GRAMD2B: variants seen among roughly 807,000 people sequenced by gnomAD.
GRAMD2B encodes GRAM domain containing 2B.
In GRAMD2B, 41 loss-of-function variants were observed where a neutral mutation model predicts 59.2. That is an observed-to-expected ratio of 0.69 (90% CI 0.54 to 0.90). The LOEUF is 0.90. Ranked by LOEUF, GRAMD2B falls within the 40% of genes least tolerant of loss-of-function variation. The pLI, the probability that GRAMD2B is intolerant of heterozygous loss-of-function variation, is 0.00. For synonymous variants in GRAMD2B, 161 were observed against 182.7 expected, an observed-to-expected ratio of 0.88 and a Z score of 0.96; for missense variants, 424 against 500.5, an observed-to-expected ratio of 0.85 and a Z score of 1.46.
intron 10 of GRAMD2B, among the ~76,000 whole-genome samples, chr5:126,485,159 G>A (rs1014037853): frequency 6.6e-6 from 1 of 151,930 alleles, no homozygotes; most frequent in African/African-American, 2.4e-5. Flanking sequence ...TTCAAGACCA[G>A]CCTGGGCAAC....
intron 1 of GRAMD2B, among the ~76,000 whole-genome samples, chr5:126,375,293 G>C (rs1427762146): frequency 6.6e-6 from 1 of 151,818 alleles, no homozygotes; most frequent in African/African-American, 2.4e-5. Flanking sequence ...GACACTAAGA[G>C]ATTTTCTTTG....
In GRAMD2B at chr5:126,423,464, C is replaced by T. The variant is rs947729452; in HGVS notation, c.-143C>T. On this transcript the variant is annotated 5_prime_UTR_variant, in exon 1 of 14. Coordinates refer to ENST00000285689, the MANE Select transcript of GRAMD2B (RefSeq NM_023927.4). ...GCGGCCCCGGGAGCTTGGCGCGGCCCGGCCTGGATGCGCTGGGCGGAGGGT... is the reference window on the plus strand; with the variant it reads ...GCGGCCCCGGGAGCTTGGCGCGGCCTGGCCTGGATGCGCTGGGCGGAGGGT... The T allele has an allele frequency of 2.8e-6, 4 of 1,435,268 alleles. No individual in the cohort carries two copies. The highest frequency in any genetic ancestry group is 3.0e-5 in the South Asian group (2 of 65,584). The allele number at this position is 1,435,268 out of a possible 1,614,324, so 88.9% of individuals were successfully genotyped here.
intron 1 of GRAMD2B, among the ~76,000 whole-genome samples, chr5:126,373,139 T>A (rs1284684357): frequency 6.6e-6 from 1 of 152,142 alleles, no homozygotes; most frequent in Non-Finnish European, 1.5e-5. Context: ...GTGGTTTTTT[T>A]AAATGTGTAT....
At chr5:126,483,128 T>C (rs942689083) in intron 8 of GRAMD2B, among the ~76,000 whole-genome samples, 1 of 152,242 alleles carries the variant, frequency 6.6e-6, no homozygotes, top group Non-Finnish European at 1.5e-5. Flanking sequence ...TATATGTCTG[T>C]AGTAATCAGG....
upstream of GRAMD2B, among the ~76,000 whole-genome samples, chr5:126,419,781 G>A (rs370265991): frequency 1.3e-4 from 20 of 152,106 alleles, no homozygotes; most frequent in Non-Finnish European, 2.2e-4. Flanking sequence ...CTTTTGCCAG[G>A]CATGGTGGCT....
At chr5:126,430,957 G>T (rs1490840213) in intron 1 of GRAMD2B, among the ~76,000 whole-genome samples, 1 of 152,062 alleles carries the variant, frequency 6.6e-6, no homozygotes, top group Non-Finnish European at 1.5e-5. Flanking sequence ...GACAGAATTG[G>T]AACATAATCT....
intron 3 of GRAMD2B, among the ~76,000 whole-genome samples, chr5:126,471,239 C>T (rs1177452908): frequency 6.6e-6 from 1 of 152,164 alleles, no homozygotes; most frequent in East Asian, 1.9e-4. Context: ...TCCCGTGAGG[C>T]AGATTGATCC....
intron 1 of GRAMD2B, among the ~76,000 whole-genome samples, chr5:126,379,868 T>A (rs2149702657): frequency 6.6e-6 from 1 of 152,372 alleles, no homozygotes; most frequent in Middle Eastern, 3.4e-3. Flanking sequence ...GTCTGTTTAC[T>A]CTGCTGATTA....
At chr5:126,460,966 C>G (rs1581135518) in intron 1 of GRAMD2B, among the ~76,000 whole-genome samples, 3 of 152,278 alleles carry the variant, frequency 2.0e-5, no homozygotes, top group African/African-American at 7.2e-5. Flanking sequence ...AGATGTAAAA[C>G]TACCTCTACT....
chr5:126,453,516 A>G (rs11241893), intron 1 of GRAMD2B, among the ~76,000 whole-genome samples: 47,628 of 152,096 alleles, frequency 0.31, 7,886 homozygotes, highest in East Asian at 0.6. Context: ...GCTGTAAATA[A>G]CAAAGGAGAA....
intron 1 of GRAMD2B, among the ~76,000 whole-genome samples, chr5:126,441,309 T>C (rs1055967311): frequency 1.3e-5 from 2 of 152,228 alleles, no homozygotes; most frequent in Admixed American, 6.5e-5. Context: ...AAATTAAGTC[T>C]CACATCAAAC....
chr5:126,435,519 C>T (rs1218913680), intron 1 of GRAMD2B, among the ~76,000 whole-genome samples: 1 of 152,062 alleles, frequency 6.6e-6, no homozygotes, highest in Non-Finnish European at 1.5e-5. Flanking sequence ...TTAGGTGTCC[C>T]CTCTTGCTTT....
At chr5:126,407,932 C>T (rs1248101674) in intron 1 of GRAMD2B, among the ~76,000 whole-genome samples, 3 of 151,688 alleles carry the variant, frequency 2.0e-5, no homozygotes, top group South Asian at 2.1e-4. Flanking sequence ...GTTGTTTTAA[C>T]GAGTATCTTT....
At chr5:126,371,461 C>G in exon 1 of GRAMD2B, 6 of 1,288,692 alleles carry the variant, frequency 4.7e-6, no homozygotes, top group Non-Finnish European at 6.1e-6. Context: ...GAAAAGGCTG[C>G]CTTCTAGTGA....
chr5:126,487,960 G>A (rs954778052), intron 12 of GRAMD2B, among the ~76,000 whole-genome samples: 3 of 152,146 alleles, frequency 2.0e-5, no homozygotes, highest in Non-Finnish European at 4.4e-5. Flanking sequence ...GTAGGTCTGG[G>A]ATGAGGCCTG....
chr5:126,429,600 C>G (rs1164778090), intron 1 of GRAMD2B, among the ~76,000 whole-genome samples: 1 of 152,104 alleles, frequency 6.6e-6, no homozygotes, highest in Non-Finnish European at 1.5e-5. Context: ...TATCAGCTCT[C>G]TATAAACTGT....
intron 1 of GRAMD2B, among the ~76,000 whole-genome samples, chr5:126,441,696 T>C (rs1273249791): frequency 6.6e-6 from 1 of 151,542 alleles, no homozygotes; most frequent in Admixed American, 6.6e-5. Context: ...CTGGTATAAG[T>C]TTTTTTTTGC....
chr5:126,429,303 T>G (rs1408871308), intron 1 of GRAMD2B, among the ~76,000 whole-genome samples: 1 of 152,172 alleles, frequency 6.6e-6, no homozygotes, highest in African/African-American at 2.4e-5. Context: ...AAATACCACA[T>G]GTTCTCACTT....
At chr5:126,384,273 A>G (rs1755916164) in intron 1 of GRAMD2B, among the ~76,000 whole-genome samples, 1 of 152,176 alleles carries the variant, frequency 6.6e-6, no homozygotes, top group South Asian at 2.1e-4. Flanking sequence ...AAGGCAGACA[A>G]TGTACATGCA....
Sources: allele counts gnomAD v4.1 joint callset (sites outside exome capture counted in the v4.1 genomes callset), GRCh38; gene constraint gnomAD v4.1.1; transcripts MANE v1.5; gene names NCBI Gene and HGNC (gene_info 2026-07-23, HGNC 2026-07-21).